Variants in AVL9 observed in about 807,000 individuals in gnomAD.
AVL9 encodes AVL9 cell migration associated, also known as late secretory pathway protein AVL9 homolog.
AVL9 carries 49 observed loss-of-function variants against 79.2 expected under a neutral mutation model. That is an observed-to-expected ratio of 0.62 (90% CI 0.49 to 0.79). The LOEUF (loss-of-function observed/expected upper bound fraction) is 0.79. AVL9 is among the 30% of genes least tolerant of loss of function. AVL9 has a pLI of 0.00. For synonymous variants in AVL9, 299 were observed against 280.6 expected, an observed-to-expected ratio of 1.07 and a Z score of -0.65; for missense variants, 682 against 776.8, an observed-to-expected ratio of 0.88 and a Z score of 1.45.
chr7:32,581,623 G>A (rs1314847412), intron 15 of AVL9: 1 of 152,276 alleles, frequency 6.6e-6, no homozygotes, highest in Non-Finnish European at 1.5e-5. Flanking sequence ...CTTGAGTCCA[G>A]GAGTTCAAGA....
chr7:32,565,977 C>CAAA (rs70992730), intron 10 of AVL9, among the ~76,000 whole-genome samples: 28 of 139,292 alleles, frequency 2.0e-4, no homozygotes, highest in African/African-American at 4.5e-4. Flanking sequence ...CACTGCACTC[C>CAAA]AAAAAAAAAA....
chr7:32,564,207 A>G (rs1790455694), intron 10 of AVL9, among the ~76,000 whole-genome samples: 1 of 152,240 alleles, frequency 6.6e-6, no homozygotes, highest in Non-Finnish European at 1.5e-5. Flanking sequence ...TGCCGTATAC[A>G]ATATCAGTAT....
intron 10 of AVL9, among the ~76,000 whole-genome samples, chr7:32,563,718 G>GTA (rs1790429115): frequency 6.6e-6 from 1 of 152,178 alleles, no homozygotes; most frequent in African/African-American, 2.4e-5. Flanking sequence ...CTTGAACAAT[G>GTA]TATGTATTCC....
chr7:32,571,289 G>T (rs1479029851), intron 11 of AVL9, among the ~76,000 whole-genome samples: 7 of 149,324 alleles, frequency 4.7e-5, no homozygotes, highest in Admixed American at 4.0e-4. Context: ...CAGCACTTTG[G>T]GAGGCTGAGG....
chr7:32,562,273 G>A (rs35066952), intron 10 of AVL9, among the ~76,000 whole-genome samples: 21,695 of 110,062 alleles, frequency 0.2, 1,641 homozygotes, highest in South Asian at 0.29. Context: ...AAATACTACA[G>A]TTTTAAAAGA....
At chr7:32,558,774 CTT>C (rs1583574634) in intron 9 of AVL9, 146 bp downstream of exon 9, 2 of 1,012,082 alleles carry the variant, frequency 2.0e-6, no homozygotes, top group Non-Finnish European at 2.8e-6. Flanking sequence ...AGGTTTCTCT[CTT>C]TTGTCTGGGC....
At chr7:32,549,474 G>T (rs934335092) in intron 4 of AVL9, among the ~76,000 whole-genome samples, 11 of 151,500 alleles carry the variant, frequency 7.3e-5, no homozygotes, top group Non-Finnish European at 1.2e-4. Context: ...CAACCCACCC[G>T]CCTCAGCCTT....
intron 1 of AVL9, among the ~76,000 whole-genome samples, chr7:32,520,500 T>C (rs995190110): frequency 2.0e-5 from 3 of 152,168 alleles, no homozygotes; most frequent in Admixed American, 2.0e-4. Flanking sequence ...ACTAGATAAA[T>C]GCCACTGTAA....
intron 1 of AVL9, among the ~76,000 whole-genome samples, chr7:32,502,346 T>C (rs1263198254): frequency 7.3e-6 from 1 of 136,584 alleles, no homozygotes; most frequent in Non-Finnish European, 1.5e-5. Flanking sequence ...TGAGCCGAGA[T>C]GGCACCACTG....
chr7:32,582,637 T>C (rs1791565442), intron 15 of AVL9, among the ~76,000 whole-genome samples: 1 of 152,222 alleles, frequency 6.6e-6, no homozygotes, highest in Non-Finnish European at 1.5e-5. Flanking sequence ...TATACTCTTC[T>C]GTCCAAGAAT....
chr7:32,505,549 C>T (rs1225378435), intron 1 of AVL9, among the ~76,000 whole-genome samples: 1 of 151,948 alleles, frequency 6.6e-6, no homozygotes, highest in Non-Finnish European at 1.5e-5. Context: ...AGAAAGAAAC[C>T]CTTCTACTTT....
intron 1 of AVL9, among the ~76,000 whole-genome samples, chr7:32,501,175 G>T (rs958859205): frequency 2.0e-5 from 3 of 152,140 alleles, no homozygotes; most frequent in African/African-American, 7.2e-5. Flanking sequence ...ATGTTGGAGT[G>T]CTACAACTAT....
At chr7:32,524,591 G>GATATAATTATGTCTAAACTAGAT (rs374274914) in intron 1 of AVL9, among the ~76,000 whole-genome samples, 6 of 151,662 alleles carry the variant, frequency 4.0e-5, no homozygotes, top group Non-Finnish European at 7.4e-5. Context: ...ATATCTAACT[G>GATATAATTATGTCTAAACTAGAT]AGGGATGTTT....
chr7:32,570,227 TA>T, intron 11 of AVL9, 73 bp downstream of exon 11: 1 of 1,561,556 alleles, frequency 6.4e-7, no homozygotes, highest in South Asian at 1.1e-5. Context: ...CAATTATGAA[TA>T]CATAGTAACA....
At chr7:32,551,520 TAAGA>T (rs1196314705) in intron 5 of AVL9, 97 bp downstream of exon 5, 1 of 564,538 alleles carries the variant, frequency 1.8e-6, no homozygotes, top group African/African-American at 1.9e-5. Context: ...ATTATTACCT[TAAGA>T]AAGACATTCT....
At chr7:32,577,612 C>A (rs1410063655) in intron 13 of AVL9, among the ~76,000 whole-genome samples, 1 of 152,124 alleles carries the variant, frequency 6.6e-6, no homozygotes, top group Non-Finnish European at 1.5e-5. Context: ...CTAGTCTCCT[C>A]CCTGGGCCCT....
chr7:32,546,106 C>T (rs964560674), intron 3 of AVL9, among the ~76,000 whole-genome samples: 8 of 141,178 alleles, frequency 5.7e-5, no homozygotes, highest in African/African-American at 2.2e-4. Context: ...CTAGCTTTTC[C>T]TCCTAGTGAC....
chr7:32,517,856 T>C (rs1787976844), intron 1 of AVL9, among the ~76,000 whole-genome samples: 1 of 151,730 alleles, frequency 6.6e-6, no homozygotes, highest in Non-Finnish European at 1.5e-5. Flanking sequence ...TTTTGAAACA[T>C]AGTCTTGCTT....
chr7:32,523,902 T>A (rs1788288116), intron 1 of AVL9, among the ~76,000 whole-genome samples: 1 of 151,414 alleles, frequency 6.6e-6, no homozygotes, highest in African/African-American at 2.4e-5. Context: ...CCCGGCTAAT[T>A]TTTTGTATTT....
Sources: gnomAD v4.1 joint callset for allele counts (sites outside exome capture counted in the v4.1 genomes callset) on GRCh38, gnomAD v4.1.1 for gene constraint, MANE v1.5 for transcripts, NCBI Gene and HGNC (gene_info 2026-07-23, HGNC 2026-07-21) for gene names.